The following CNKSR2 variants were observed in gnomAD, a reference collection of about 807,000 sequenced individuals.
CNKSR2 encodes CNK homolog protein 2.
In CNKSR2, 14 loss-of-function variants were observed where a neutral mutation model predicts 84.4. The ratio of observed to expected loss-of-function variants is 0.17; its 90% CI spans 0.11 to 0.26. CNKSR2 has a LOEUF of 0.26. CNKSR2 is among the 10% of genes least tolerant of loss of function. The probability of loss-of-function intolerance (pLI) is 1.00; values close to 1 mark genes in which losing one functional copy is unlikely to be tolerated. For synonymous variants in CNKSR2, 275 were observed against 277.9 expected (o/e 0.99, Z 0.10); for missense variants, 485 against 771.2 (o/e 0.63, Z 4.40).
At chrX:21,437,828 A>G (rs2090729579) in intron 3 of CNKSR2, among the ~76,000 whole-genome samples, 2 of 111,477 alleles carry the variant, frequency 1.8e-5, no homozygotes, top group South Asian at 3.7e-4. Context: ...ATAACACCTA[A>G]TACAACCACC....
intron 20 of CNKSR2, among the ~76,000 whole-genome samples, chrX:21,629,117 CT>C (rs1396399026): frequency 2.7e-5 from 3 of 112,565 alleles, no homozygotes; most frequent in Non-Finnish European, 5.6e-5. Context: ...CCACCAGTCT[CT>C]TTGCTAAAAC....
At chrX:21,483,740 G>A (rs1014997573) in intron 5 of CNKSR2, among the ~76,000 whole-genome samples, 2 of 109,182 alleles carry the variant, frequency 1.8e-5, no homozygotes, top group African/African-American at 6.7e-5. Flanking sequence ...GTTGTGTCTT[G>A]TTAGGGAACC....
chrX:21,471,468 G>A (rs1422247461), intron 5 of CNKSR2, among the ~76,000 whole-genome samples: 1 of 111,973 alleles, frequency 8.9e-6, no homozygotes, highest in Non-Finnish European at 1.9e-5. Flanking sequence ...TTCTGCATCT[G>A]CCAGGTACTA....
In CNKSR2 at chrX:21,483,707, A is replaced by G. The variant is rs1601847577; in HGVS notation, c.562-6752A>G. ...TCTGTTTCTGAATGTTACTCTTTCAAAGTTACCTATGATTGTTCAACAGTT... is the reference window on the plus strand; with the variant it reads ...TCTGTTTCTGAATGTTACTCTTTCAGAGTTACCTATGATTGTTCAACAGTT... On this transcript the variant is annotated intron_variant, in intron 5 of 21. Coordinates refer to ENST00000379510, the MANE Select transcript of CNKSR2 (RefSeq NM_014927.5). Among the ~76,000 whole-genome samples the G allele has an allele frequency of 2.8e-5, 3 of 108,699 alleles. No homozygotes were observed. In the South Asian group the frequency reaches 1.2e-3, roughly 43 times the overall value. 94.4% of individuals were successfully genotyped at this position (108,699 alleles called of 115,157 possible). A position where few individuals can be genotyped will look rare whatever the true frequency, so the allele number is the denominator to read the frequency against.
intron 2 of CNKSR2, 54 bp downstream of exon 2, chrX:21,426,714 CT>C: frequency 9.0e-7 from 1 of 1,117,308 alleles, no homozygotes; most frequent in Admixed American, 3.2e-5. Flanking sequence ...TCTTTTGTTG[CT>C]TTTCCCTTTT....
Position 21,453,859 on chromosome X carries a change from G to A in CNKSR2, c.519+13078G>A, listed in dbSNP as rs137889476. Among the ~76,000 whole-genome samples, 1,042 of 110,877 alleles carry A rather than the reference G, an allele frequency of 9.4e-3. 12 individuals are homozygous for A. The highest frequency in any genetic ancestry group is 0.031 in the African/African-American group (944 of 30,496). Reference sequence around the variant, plus strand: ...AAGGACAAAGAGAGAGCAAGGGGGAGGTACTACATACCTTTCAACAACCAG... The same window carrying A: ...AAGGACAAAGAGAGAGCAAGGGGGAAGTACTACATACCTTTCAACAACCAG... On this transcript the variant is annotated intron_variant, in intron 4 of 21. Transcript: ENST00000379510.
At position 21,652,377 on chromosome X, in the gene CNKSR2, A is replaced by G. The variant is rs1602077488; in HGVS notation, c.2961A>G (p.Gln987=). 1.3e-5 allele frequency: 16 copies of G among 1,210,445 alleles called. No individual in the cohort carries two copies. Among genetic ancestry groups the G allele is most frequent in the Non-Finnish European group, 1.7e-5 (15 of 894,038 alleles). ...DNPDLTSKEF[Q]QWKQMYLDLF... ...CAGACTTGACATCTAAAGAATTCCA[A>G]CAATGGAAGCAGATGTACCTCGACC... Residue 987 remains glutamine, a synonymous_variant, in exon 22 of 22, where the codon CAA becomes CAG. Transcript: ENST00000379510.
intron 13 of CNKSR2, among the ~76,000 whole-genome samples, chrX:21,569,749 A>T (rs2092269910): frequency 8.9e-6 from 1 of 112,276 alleles, no homozygotes; most frequent in African/African-American, 3.2e-5. Flanking sequence ...AAGACTTGAA[A>T]TTTGAAATTA....
chrX:21,469,704 A>T, intron 4 of CNKSR2, among the ~76,000 whole-genome samples: 1 of 110,864 alleles, frequency 9.0e-6, no homozygotes, highest in Non-Finnish European at 1.9e-5. Flanking sequence ...TGAGGTTGGG[A>T]GTTTGAGACC....
chrX:21,432,821 T>C lies in CNKSR2; in HGVS notation c.431+7T>C, dbSNP rs1230991498. 7.5e-6 allele frequency: 9 copies of C among 1,204,425 alleles called. No individual in the cohort carries two copies. The highest frequency in any genetic ancestry group is 9.0e-6 in the Non-Finnish European group (8 of 891,087). On this transcript the variant is annotated splice_region_variant and intron_variant, in intron 3 of 21. Coordinates refer to ENST00000379510, the MANE Select transcript of CNKSR2 (RefSeq NM_014927.5). ...TGCTTGCCTGGTTGGACAGGTAAAGTCTTCCGCATGTTTCATAAGTATCCT... is the reference window on the plus strand; with the variant it reads ...TGCTTGCCTGGTTGGACAGGTAAAGCCTTCCGCATGTTTCATAAGTATCCT...
chrX:21,471,794 G>A (rs755255648), intron 5 of CNKSR2, among the ~76,000 whole-genome samples: 25 of 111,031 alleles, frequency 2.3e-4, no homozygotes, highest in African/African-American at 7.8e-4. Context: ...TCTCAGGAGT[G>A]GATAATTAAT....
chrX:21,569,548 T>C (rs969979339), intron 13 of CNKSR2, among the ~76,000 whole-genome samples: 2 of 111,675 alleles, frequency 1.8e-5, no homozygotes, highest in Non-Finnish European at 3.8e-5. Context: ...CCAGGAGGGT[T>C]GGATTCAATT....
chrX:21,491,981 A>C (rs372693632), intron 6 of CNKSR2: 14 of 111,312 alleles, frequency 1.3e-4, no homozygotes, highest in African/African-American at 4.2e-4. Context: ...AATAACTTAC[A>C]TAAAATATAA....
chrX:21,380,280 G>GACAAATCATTAACATGTTGTTAGAT (rs2089878486), intron 1 of CNKSR2, among the ~76,000 whole-genome samples: 1 of 111,395 alleles, frequency 9.0e-6, no homozygotes, highest in Non-Finnish European at 1.9e-5. Flanking sequence ...TTATTTTGAA[G>GACAAATCATTAACATGTTGTTAGAT]ACAAATCATT....
chrX:21,438,157 G>A (rs1405644645), intron 3 of CNKSR2, among the ~76,000 whole-genome samples: 1 of 111,714 alleles, frequency 9.0e-6, no homozygotes, highest in Non-Finnish European at 1.9e-5. Context: ...ACATAACCTA[G>A]ATGATACAGC....
chrX:21,476,868 G>T (rs1468733159), intron 5 of CNKSR2, among the ~76,000 whole-genome samples: 1 of 111,588 alleles, frequency 9.0e-6, no homozygotes, highest in Non-Finnish European at 1.9e-5. Flanking sequence ...TTTTGTTCTG[G>T]ATTACACATT....
At chrX:21,500,609 A>G (rs940292495) in intron 7 of CNKSR2, among the ~76,000 whole-genome samples, 20 of 111,344 alleles carry the variant, frequency 1.8e-4, no homozygotes, top group African/African-American at 6.2e-4. Context: ...AACAAGAAAA[A>G]TATAATATTT....
chrX:21,414,673 G>C (rs774263063), intron 1 of CNKSR2, among the ~76,000 whole-genome samples: 1 of 111,602 alleles, frequency 9.0e-6, no homozygotes, highest in Admixed American at 9.5e-5. Flanking sequence ...AATGTTTTCT[G>C]GTAGTAGTTT....
At chrX:21,626,590 A>T (rs1210666121) in intron 20 of CNKSR2, among the ~76,000 whole-genome samples, 1 of 112,148 alleles carries the variant, frequency 8.9e-6, no homozygotes, top group Non-Finnish European at 1.9e-5. Context: ...ACCTTCTCAG[A>T]GGAAGATCTA....
Sources: gnomAD v4.1 joint callset for allele counts (sites outside exome capture counted in the v4.1 genomes callset) on GRCh38, gnomAD v4.1.1 for gene constraint, MANE v1.5 for transcripts, NCBI Gene and HGNC (gene_info 2026-07-23, HGNC 2026-07-21) for gene names.